The following ERO1B variants were observed in gnomAD, a reference collection of about 807,000 sequenced individuals.
ERO1B encodes ERO1-like protein beta.
ERO1B carries 49 observed loss-of-function variants against 75.3 expected under a neutral mutation model. The observed-to-expected ratio is 0.65, with a 90% CI of 0.52 to 0.83. The LOEUF is 0.83. Ranked by LOEUF, ERO1B falls within the 40% of genes least tolerant of loss-of-function variation. ERO1B has a pLI of 0.00. For synonymous variants in ERO1B, 191 were observed against 192.9 expected (o/e 0.99, Z 0.08); for missense variants, 512 against 560.1 (o/e 0.91, Z 0.87).
chr1:236,266,616 A>T (rs1558521185), intron 2 of ERO1B, among the ~76,000 whole-genome samples: 1 of 151,902 alleles, frequency 6.6e-6, no homozygotes, highest in Non-Finnish European at 1.5e-5. Context: ...AAAAAAAAAA[A>T]TTAAAATTAA....
chr1:236,253,569 T>C (rs1665091172), intron 2 of ERO1B, 64 bp from the exon 3 acceptor site: 24 of 1,040,192 alleles, frequency 2.3e-5, no homozygotes, highest in East Asian at 5.0e-5. Context: ...CAAAGTGTCA[T>C]TGTGTTGGGC....
At chr1:236,226,597 T>A (rs377302108) in intron 11 of ERO1B, 50 bp downstream of exon 11, 2 of 1,595,444 alleles carry the variant, frequency 1.3e-6, no homozygotes, top group African/African-American at 2.7e-5. Flanking sequence ...TTCTCTCCAA[T>A]AATTTTTACA....
intron 2 of ERO1B, among the ~76,000 whole-genome samples, chr1:236,257,533 A>G (rs1206045580): frequency 6.8e-6 from 1 of 147,000 alleles, no homozygotes; most frequent in African/African-American, 2.5e-5. Context: ...TAAGTTAAGA[A>G]AAATGAAGAA....
At chr1:236,273,598 G>A (rs1665645125) in intron 1 of ERO1B, among the ~76,000 whole-genome samples, 1 of 151,996 alleles carries the variant, frequency 6.6e-6, no homozygotes, top group African/African-American at 2.4e-5. Context: ...GCGGACACAG[G>A]AGAATTGAGT....
chr1:236,221,010 T>C (rs202036424), intron 14 of ERO1B, 45 bp from the exon 15 acceptor site: 76 of 1,384,318 alleles, frequency 5.5e-5, no homozygotes, highest in East Asian at 2.7e-5. Context: ...TAAATAATAA[T>C]AACTAGTAAA....
intron 1 of ERO1B, 136 bp downstream of exon 1, chr1:236,281,546 G>A: frequency 1.8e-6 from 1 of 559,544 alleles, no homozygotes; most frequent in Middle Eastern, 5.2e-4. Flanking sequence ...CTGCTCCCCG[G>A]GTTTTCTGCT....
At chr1:236,252,473 T>C (rs1199984810) in intron 3 of ERO1B, among the ~76,000 whole-genome samples, 1 of 152,200 alleles carries the variant, frequency 6.6e-6, no homozygotes, top group African/African-American at 2.4e-5. Flanking sequence ...CAATGTATTA[T>C]GTGCAATTTT....
At position 236,281,684 on chromosome 1, in the gene ERO1B, G is replaced by A; in HGVS notation, c.100C>T (p.Gln34Ter). Residue 34 changes from glutamine to a stop codon, truncating the protein, a stop_gained and splice_region_variant, in exon 1 of 16, where the codon CAG (glutamine) becomes TAG (stop). Coordinates refer to ENST00000354619, the MANE Select transcript of ERO1B (RefSeq NM_019891.4). LOFTEE classifies it high-confidence loss of function. ...GGCCCGCTATCACTCGGGCTTACCTGCGCCTCGACGACGCTCCGCAGGAAG... is the reference window on the plus strand; with the variant it reads ...GGCCCGCTATCACTCGGGCTTACCTACGCCTCGACGACGCTCCGCAGGAAG... ...LSFLRSVVEAQVTGVLDDCLC... is the reference protein window; with the variant it reads ...LSFLRSVVEA 1.4e-6 allele frequency: 2 copies of A among 1,477,246 alleles called. No individual in the cohort carries two copies. Among genetic ancestry groups the A allele is most frequent in the African/African-American group, 1.4e-5 (1 of 69,304 alleles). The allele number at this position is 1,477,246 out of a possible 1,614,324, so 91.5% of individuals were successfully genotyped here.
chr1:236,226,847 TAAATC>T, intron 10 of ERO1B, 108 bp from the exon 11 acceptor site: 3 of 760,620 alleles, frequency 3.9e-6, no homozygotes, highest in Non-Finnish European at 6.5e-6. Context: ...AACATTAAAA[TAAATC>T]AAGGAATAAT....
chr1:236,246,115 C>T (rs1399101545), intron 5 of ERO1B, among the ~76,000 whole-genome samples: 2 of 152,116 alleles, frequency 1.3e-5, no homozygotes, highest in African/African-American at 4.8e-5. Context: ...AGTACCTAAT[C>T]TCATTTCTAG....
chr1:236,227,062 G>A (rs1405620), intron 10 of ERO1B, among the ~76,000 whole-genome samples: 10,376 of 152,174 alleles, frequency 0.068, 740 homozygotes, highest in East Asian at 0.39. Context: ...TGTGGTTTAG[G>A]CTAAGAACTT....
chr1:236,248,758 T>A (rs1726645), intron 5 of ERO1B, among the ~76,000 whole-genome samples: 37,701 of 152,010 alleles, frequency 0.25, 4,867 homozygotes, highest in East Asian at 0.38. Flanking sequence ...ATACACCAAC[T>A]AATTCTTGAT....
At chr1:236,265,089 G>GT (rs1336353040) in intron 2 of ERO1B, among the ~76,000 whole-genome samples, 5 of 140,874 alleles carry the variant, frequency 3.5e-5, no homozygotes, top group Non-Finnish European at 7.8e-5. Context: ...CTGGATAGTT[G>GT]TTTTTTTCTT....
At chr1:236,222,829 C>T (rs1298089961) in intron 13 of ERO1B, among the ~76,000 whole-genome samples, 1 of 152,150 alleles carries the variant, frequency 6.6e-6, no homozygotes, top group Non-Finnish European at 1.5e-5. Context: ...GCCTGTGTGA[C>T]ACATATGGTC....
At chr1:236,225,807 C>A (rs770345239) in intron 12 of ERO1B, among the ~76,000 whole-genome samples, 1 of 152,166 alleles carries the variant, frequency 6.6e-6, no homozygotes, top group Non-Finnish European at 1.5e-5. Context: ...TGATGGCACA[C>A]ACCTGTAATC....
chr1:236,252,877 TGAA>T (rs973157014), intron 3 of ERO1B, among the ~76,000 whole-genome samples: 13 of 151,980 alleles, frequency 8.6e-5, no homozygotes, highest in Non-Finnish European at 1.3e-4. Flanking sequence ...TAATTACTGT[TGAA>T]GAAGAGGAAT....
At chr1:236,225,261 G>T in intron 12 of ERO1B, 122 bp from the exon 13 acceptor site, 1 of 919,170 alleles carries the variant, frequency 1.1e-6, no homozygotes, top group Non-Finnish European at 1.7e-6. Flanking sequence ...TCCGATGTAA[G>T]TTTTGGTAAT....
chr1:236,261,867 A>G (rs1034121548), intron 2 of ERO1B, among the ~76,000 whole-genome samples: 5 of 152,140 alleles, frequency 3.3e-5, no homozygotes. Context: ...AGGTCAGTAC[A>G]AGGTTTTCAA....
intron 2 of ERO1B, among the ~76,000 whole-genome samples, chr1:236,262,290 C>T (rs1665310078): frequency 6.6e-6 from 1 of 152,242 alleles, no homozygotes; most frequent in African/African-American, 2.4e-5. Context: ...TATTCACATT[C>T]ACAGGAATGA....
Sources: allele counts gnomAD v4.1 joint callset (sites outside exome capture counted in the v4.1 genomes callset), GRCh38; gene constraint gnomAD v4.1.1; transcripts MANE v1.5; gene names NCBI Gene and HGNC (gene_info 2026-07-23, HGNC 2026-07-21).